Variants in TBPL2 observed in about 807,000 individuals in gnomAD.
The protein encoded by TBPL2 is TATA-box binding protein like 2, also known as TATA box-binding protein-like 2.
In TBPL2, 40 loss-of-function variants were observed where a neutral mutation model predicts 38.2. The ratio of observed to expected loss-of-function variants is 1.05; its 90% CI spans 0.81 to 1.36. TBPL2 has a LOEUF of 1.36. Ranked by LOEUF, TBPL2 falls within the 40% of genes most tolerant of loss-of-function variation. The pLI is 0.00. For synonymous variants in TBPL2, 169 were observed against 171.7 expected, an observed-to-expected ratio of 0.98 and a Z score of 0.12; for missense variants, 461 against 456.7, an observed-to-expected ratio of 1.01 and a Z score of -0.09.
intron 1 of TBPL2, among the ~76,000 whole-genome samples, chr14:55,438,140 A>G (rs150196553): frequency 2.0e-5 from 3 of 152,300 alleles, no homozygotes; most frequent in African/African-American, 4.8e-5. Context: ...GAGAAACTCA[A>G]AAAGATCTTA....
chr14:55,422,598 T>TC (rs1376315827), intron 6 of TBPL2, among the ~76,000 whole-genome samples: 2 of 152,144 alleles, frequency 1.3e-5, no homozygotes, highest in African/African-American at 2.4e-5. Flanking sequence ...ACACCTGTAG[T>TC]CCCAGCACTT....
intron 4 of TBPL2, among the ~76,000 whole-genome samples, chr14:55,429,635 G>A (rs111734940): frequency 0.082 from 12,497 of 151,658 alleles, 536 homozygotes; most frequent in African/African-American, 0.098. Flanking sequence ...ACATGGTGGC[G>A]GGCACCTGTA....
intron 6 of TBPL2, among the ~76,000 whole-genome samples, chr14:55,421,716 A>G (rs1001323769): frequency 1.3e-5 from 2 of 152,074 alleles, no homozygotes; most frequent in African/African-American, 2.4e-5. Flanking sequence ...GCTTGCCTCA[A>G]TTTCCCAAAG....
intron 6 of TBPL2, among the ~76,000 whole-genome samples, chr14:55,415,015 C>T (rs904956927): frequency 1.3e-5 from 2 of 152,170 alleles, no homozygotes; most frequent in Non-Finnish European, 2.9e-5. Flanking sequence ...TAAATCATAA[C>T]TGCTGTAGGA....
At chr14:55,424,074 G>T in intron 6 of TBPL2, 85 bp downstream of exon 6, 1 of 903,538 alleles carries the variant, frequency 1.1e-6, no homozygotes, top group Non-Finnish European at 1.7e-6. Flanking sequence ...ACTTTACCAT[G>T]GTGAACAAAG....
At chr14:55,425,439 G>A (rs8004299) in intron 5 of TBPL2, among the ~76,000 whole-genome samples, 31,154 of 152,020 alleles carry the variant, frequency 0.2, 4,980 homozygotes, top group African/African-American at 0.45. Flanking sequence ...AAAAACTTTG[G>A]TATGTAAATG....
intron 6 of TBPL2, among the ~76,000 whole-genome samples, chr14:55,418,079 A>G (rs1885693027): frequency 6.6e-6 from 1 of 152,246 alleles, no homozygotes; most frequent in South Asian, 2.1e-4. Flanking sequence ...ATTACCCTAG[A>G]GGAATATACT....
exon 2 of TBPL2, chr14:55,436,679 C>T (rs1255136183): frequency 1.9e-6 from 3 of 1,614,018 alleles, no homozygotes; most frequent in African/African-American, 2.7e-5. Context: ...TGGACTGAGT[C>T]AGTATCACCA....
intron 4 of TBPL2, among the ~76,000 whole-genome samples, chr14:55,431,693 G>C (rs761264773): frequency 6.6e-5 from 10 of 152,212 alleles, no homozygotes; most frequent in Non-Finnish European, 1.3e-4. Flanking sequence ...TGGGGGAAAT[G>C]TAGTAACAAT....
chr14:55,428,714 A>C, intron 5 of TBPL2, 93 bp downstream of exon 5: 1 of 1,352,670 alleles, frequency 7.4e-7, no homozygotes, highest in Non-Finnish European at 1.0e-6. Flanking sequence ...TTTTTTAATC[A>C]CAATTTCTCT....
intron 6 of TBPL2, among the ~76,000 whole-genome samples, chr14:55,422,757 G>A: frequency 6.6e-6 from 1 of 152,100 alleles, no homozygotes; most frequent in Non-Finnish European, 1.5e-5. Context: ...GGAGGCCGAG[G>A]CAGGAGAATC....
At chr14:55,431,436 A>G (rs145088859) in intron 4 of TBPL2, among the ~76,000 whole-genome samples, 58 of 152,316 alleles carry the variant, frequency 3.8e-4, no homozygotes, top group Admixed American at 7.8e-4. Flanking sequence ...AACTTAATAC[A>G]ATGTGACCAT....
intron 6 of TBPL2, 22 bp from the exon 7 acceptor site, chr14:55,414,477 T>C (rs764602746): frequency 6.5e-7 from 1 of 1,531,466 alleles, no homozygotes; most frequent in South Asian, 1.2e-5. Context: ...TCCAGGTTTA[T>C]ATAATTTTTA....
chr14:55,419,199 A>C (rs952747577), intron 6 of TBPL2, among the ~76,000 whole-genome samples: 1 of 152,248 alleles, frequency 6.6e-6, no homozygotes, highest in African/African-American at 2.4e-5. Context: ...CTGGCTCCTC[A>C]CATGCCTGTT....
rs751314726 is a variant in TBPL2 at position 55,432,353 on chromosome 14, C to T, written c.788+1277G>A. On this transcript the variant is annotated intron_variant, in intron 4 of 6. Coordinates refer to ENST00000247219, the Ensembl canonical transcript of TBPL2. ...GCTCCAGCCCGGGAGGTGGAGGTTG[C>T]AGTGAGCCCAGATCACACCACTGCA... Among the ~76,000 whole-genome samples the T allele has an allele frequency of 1.4e-4, 21 of 149,978 alleles. 1 individual carries two copies. The highest frequency in any genetic ancestry group is 7.0e-3 in the Middle Eastern group (2 of 286).
intron 4 of TBPL2, among the ~76,000 whole-genome samples, chr14:55,433,070 C>T (rs1300863799): frequency 7.9e-5 from 12 of 152,118 alleles, no homozygotes; most frequent in African/African-American, 2.9e-4. Flanking sequence ...GTTGTAGCAG[C>T]GCAGTTAAGT....
At chr14:55,426,535 G>A (rs1885826831) in intron 5 of TBPL2, among the ~76,000 whole-genome samples, 1 of 152,124 alleles carries the variant, frequency 6.6e-6, no homozygotes, top group Non-Finnish European at 1.5e-5. Context: ...GAGGCCTCAT[G>A]TTAAAAATTC....
At chr14:55,418,371 C>T (rs537823756) in intron 6 of TBPL2, among the ~76,000 whole-genome samples, 4 of 152,214 alleles carry the variant, frequency 2.6e-5, no homozygotes, top group African/African-American at 9.6e-5. Context: ...TCCAATACTA[C>T]GTGGATTTTC....
chr14:55,424,219 T>G (rs144313315), exon 6 of TBPL2: 2 of 1,613,434 alleles, frequency 1.2e-6, no homozygotes, highest in Admixed American at 1.7e-5. Context: ...TTTACCATTC[T>G]ATAAATAAGA....
Sources: gnomAD v4.1 joint callset for allele counts (sites outside exome capture counted in the v4.1 genomes callset) on GRCh38, gnomAD v4.1.1 for gene constraint, MANE v1.5 for transcripts, NCBI Gene and HGNC (gene_info 2026-07-23, HGNC 2026-07-21) for gene names.